The following OXR1 variants were observed in gnomAD, a reference collection of about 807,000 sequenced individuals.
OXR1 encodes the protein oxidation resistance protein 1.
In OXR1, 41 loss-of-function variants were observed where a neutral mutation model predicts 104.6. The ratio of observed to expected loss-of-function variants is 0.39; its 90% CI spans 0.31 to 0.51. The LOEUF (loss-of-function observed/expected upper bound fraction) is 0.51. Among genes scored for constraint, OXR1 ranks in the 20% least tolerant of loss-of-function variants. The pLI is 0.77. For synonymous variants in OXR1, 348 were observed against 348.4 expected (o/e 1.00, Z 0.01); for missense variants, 955 against 1,031.9 (o/e 0.93, Z 1.02).
At chr8:106,445,488 C>T (rs113924891) in intron 2 of OXR1, among the ~76,000 whole-genome samples, 133 of 152,280 alleles carry the variant, frequency 8.7e-4, no homozygotes, top group African/African-American at 3.0e-3. Flanking sequence ...GACAGCACCC[C>T]AGATGCACCA....
Position 106,713,975 on chromosome 8 carries a change from G to A in OXR1, c.1946G>A (p.Arg649Lys). Residue 649 changes from arginine (R) to lysine (K), a missense_variant, in exon 11 of 17, where the codon AGA becomes AAA. Physicochemically the swap from Arg to Lys is conservative, Grantham distance 26 (BLOSUM62 2). Transcript: ENST00000517566. ...GATTCTAGTAATCAAGCAGCAGCCA[G>A]AGAATGGGAGGTAAGGAGAAAAATA... ...IEDSSNQAAA[R>K]EWEVVSVAEY... 6.4e-7 allele frequency: 1 copy of A among 1,572,270 alleles called. No homozygotes were observed. Among genetic ancestry groups the A allele is most frequent in the African/African-American group, 1.4e-5 (1 of 71,814 alleles).
chr8:106,713,209 A>T (rs1831877363), intron 10 of OXR1, among the ~76,000 whole-genome samples: 1 of 151,944 alleles, frequency 6.6e-6, no homozygotes, highest in Non-Finnish European at 1.5e-5. Flanking sequence ...AAACATGTTA[A>T]TTAAAACCAA....
chr8:106,515,202 A>C (rs980144317), intron 2 of OXR1, among the ~76,000 whole-genome samples: 1 of 152,088 alleles, frequency 6.6e-6, no homozygotes, highest in African/African-American at 2.4e-5. Flanking sequence ...GTTGAAAAAT[A>C]AAAATTATAT....
chr8:106,464,757 A>G (rs1225841491), intron 2 of OXR1, among the ~76,000 whole-genome samples: 1 of 151,998 alleles, frequency 6.6e-6, no homozygotes, highest in Non-Finnish European at 1.5e-5. Context: ...AAAAACATTC[A>G]TTTATTTGAT....
chr8:106,399,544 T>C (rs1000026267), intron 2 of OXR1, among the ~76,000 whole-genome samples: 1 of 152,310 alleles, frequency 6.6e-6, no homozygotes, highest in South Asian at 2.1e-4. Flanking sequence ...TCATTTGGAA[T>C]AGAATTTCAC....
chr8:106,648,996 G>A (rs541836560), intron 3 of OXR1, among the ~76,000 whole-genome samples: 1 of 152,290 alleles, frequency 6.6e-6, no homozygotes, highest in Non-Finnish European at 1.5e-5. Flanking sequence ...TTTGAGCCCA[G>A]GAGTTGAAGA....
chr8:106,287,049 G>A (rs1455076469), intron 1 of OXR1, among the ~76,000 whole-genome samples: 1 of 152,108 alleles, frequency 6.6e-6, no homozygotes, highest in African/African-American at 2.4e-5. Flanking sequence ...GTTTCTTACA[G>A]ACATTTCCTT....
At chr8:106,593,148 G>A (rs1806427643) in intron 3 of OXR1, among the ~76,000 whole-genome samples, 2 of 152,062 alleles carry the variant, frequency 1.3e-5, no homozygotes, top group Admixed American at 6.6e-5. Context: ...CTCTGTCCTA[G>A]GATATCTGTT....
chr8:106,585,942 T>C (rs138195709), intron 3 of OXR1, among the ~76,000 whole-genome samples: 127 of 152,250 alleles, frequency 8.3e-4, no homozygotes, highest in African/African-American at 2.8e-3. Flanking sequence ...GGAGAGATAA[T>C]GGGGGCTAAA....
chr8:106,431,691 C>A (rs889849561), intron 2 of OXR1, among the ~76,000 whole-genome samples: 3 of 152,184 alleles, frequency 2.0e-5, no homozygotes, highest in Admixed American at 6.5e-5. Context: ...ATACTAGCAT[C>A]TGGCATGATT....
intron 2 of OXR1, among the ~76,000 whole-genome samples, chr8:106,429,480 C>A (rs191028614): frequency 6.6e-6 from 1 of 151,782 alleles, no homozygotes. Flanking sequence ...GCTAATATAG[C>A]GAAAACCTGT....
At chr8:106,632,928 G>C (rs1822814087) in intron 3 of OXR1, among the ~76,000 whole-genome samples, 1 of 151,926 alleles carries the variant, frequency 6.6e-6, no homozygotes, top group Admixed American at 6.6e-5. Flanking sequence ...GACAGAGTGA[G>C]ACCCTGTTTC....
At chr8:106,468,068 C>T (rs983075874) in intron 2 of OXR1, among the ~76,000 whole-genome samples, 4 of 151,784 alleles carry the variant, frequency 2.6e-5, no homozygotes, top group Non-Finnish European at 4.4e-5. Context: ...GGGAATGAGA[C>T]AGGAAGACAG....
chr8:106,398,877 T>A (rs1817891922), intron 2 of OXR1, among the ~76,000 whole-genome samples: 1 of 152,174 alleles, frequency 6.6e-6, no homozygotes. Flanking sequence ...AAATCACTGC[T>A]TCACTCACTG....
At chr8:106,679,425 A>G (rs1827928068) in intron 4 of OXR1, 133 bp downstream of exon 4, 1 of 439,118 alleles carries the variant, frequency 2.3e-6, no homozygotes, top group Non-Finnish European at 4.1e-6. Flanking sequence ...CACTTTGGAT[A>G]ATTGTTTTAT....
At chr8:106,658,302 C>T in intron 3 of OXR1, 1 of 1,168,388 alleles carries the variant, frequency 8.6e-7, no homozygotes, top group Non-Finnish European at 1.1e-6. Context: ...TGTGCCTGGG[C>T]CGGGGCGGGC....
At chr8:106,646,889 A>G (rs909192479) in intron 3 of OXR1, among the ~76,000 whole-genome samples, 1 of 152,222 alleles carries the variant, frequency 6.6e-6, no homozygotes, top group Non-Finnish European at 1.5e-5. Flanking sequence ...AGTTTTCAGA[A>G]CTTTAAGCAC....
Position 106,692,729 on chromosome 8 carries a change from A to T in OXR1, c.527A>T (p.Asn176Ile). The change falls in exon 7 of 17, where the codon AAT (asparagine) becomes ATT (isoleucine). Residue 176 changes from asparagine to isoleucine, a missense_variant and splice_region_variant. Asn to Ile is a moderately radical substitution (Grantham distance 149). Coordinates refer to ENST00000517566, the MANE Select transcript of OXR1 (RefSeq NM_001198533.2). The stretch of plus-strand genomic sequence containing the variant: ...CTTTCCTTTAAAAAAAAAAAAAAGA[A>T]TCCTGATGTCCATCCAACAGAAGCA... ...SSEAEFDKTT[N>I]PDVHPTEATP... 1.4e-6 allele frequency: 2 copies of T among 1,444,704 alleles called. No individual in the cohort carries two copies. Among genetic ancestry groups the T allele is most frequent in the Non-Finnish European group, 1.8e-6 (2 of 1,091,638 alleles). The allele number at this position is 1,444,704 out of a possible 1,614,324, so 89.5% of individuals were successfully genotyped here.
chr8:106,348,834 G>A (rs750939518), intron 1 of OXR1, among the ~76,000 whole-genome samples: 7 of 152,124 alleles, frequency 4.6e-5, no homozygotes, highest in African/African-American at 7.2e-5. Context: ...GTAGTAATCC[G>A]AGGGAAGACA....
Sources: allele counts gnomAD v4.1 joint callset (sites outside exome capture counted in the v4.1 genomes callset), GRCh38; gene constraint gnomAD v4.1.1; transcripts MANE v1.5; gene names NCBI Gene and HGNC (gene_info 2026-07-23, HGNC 2026-07-21).